Variants in NAF1 observed in about 807,000 individuals in gnomAD.
NAF1 encodes the protein nuclear assembly factor 1 ribonucleoprotein, also known as H/ACA ribonucleoprotein complex non-core subunit NAF1.
Under a neutral mutation model 40.6 loss-of-function variants are expected in NAF1, and 11 were observed. The ratio of observed to expected loss-of-function variants is 0.27; its 90% CI spans 0.17 to 0.45. NAF1 has a LOEUF of 0.45. NAF1 is among the 20% of genes least tolerant of loss of function. The pLI is 1.00. For synonymous variants in NAF1, 260 were observed against 228.5 expected (o/e 1.14, Z -1.24); for missense variants, 607 against 611.1 (o/e 0.99, Z 0.07).
chr4:163,160,389 C>A (rs1052855333), intron 2 of NAF1, among the ~76,000 whole-genome samples: 2 of 152,076 alleles, frequency 1.3e-5, no homozygotes, highest in Non-Finnish European at 2.9e-5. Context: ...TGGGTTATAA[C>A]CACATCTTGG....
chr4:163,131,634 T>A (rs1014243786), intron 7 of NAF1, among the ~76,000 whole-genome samples: 4 of 152,158 alleles, frequency 2.6e-5, no homozygotes, highest in African/African-American at 9.6e-5. Context: ...ACTACAAAAC[T>A]TTTAGGGAAA....
At chr4:163,138,137 T>G (rs1055285213) in intron 5 of NAF1, among the ~76,000 whole-genome samples, 9 of 152,118 alleles carry the variant, frequency 5.9e-5, no homozygotes, top group Non-Finnish European at 1.2e-4. Context: ...ATAAATGAGA[T>G]TCCCAGGAAT....
chr4:163,154,890 CAAAAAA>C (rs5863601), intron 2 of NAF1, among the ~76,000 whole-genome samples: 5 of 141,528 alleles, frequency 3.5e-5, no homozygotes, highest in African/African-American at 1.3e-4. Context: ...AAAACAAAAA[CAAAAAA>C]AAAAAAACAG....
At chr4:163,148,866 T>C (rs1392007730) in intron 2 of NAF1, among the ~76,000 whole-genome samples, 5 of 152,178 alleles carry the variant, frequency 3.3e-5, no homozygotes, top group African/African-American at 1.2e-4. Context: ...TTAGTTTGAC[T>C]GTGATTAAAC....
At chr4:163,143,303 G>A (rs1020873162) in intron 4 of NAF1, among the ~76,000 whole-genome samples, 1 of 152,082 alleles carries the variant, frequency 6.6e-6, no homozygotes, top group Non-Finnish European at 1.5e-5. Flanking sequence ...TAACAACAAC[G>A]TGGTACAGCT....
At chr4:163,154,240 C>T (rs575278990) in intron 2 of NAF1, among the ~76,000 whole-genome samples, 4 of 152,318 alleles carry the variant, frequency 2.6e-5, no homozygotes, top group African/African-American at 9.6e-5. Flanking sequence ...AATATAGGAA[C>T]GTACAGTTTC....
intron 2 of NAF1, among the ~76,000 whole-genome samples, chr4:163,154,544 C>G (rs1010345569): frequency 6.6e-6 from 1 of 152,048 alleles, no homozygotes; most frequent in Non-Finnish European, 1.5e-5. Context: ...TAAGGGAAAA[C>G]AGATCTATTT....
At chr4:163,139,889 G>A (rs1579155411) in intron 5 of NAF1, among the ~76,000 whole-genome samples, 1 of 151,848 alleles carries the variant, frequency 6.6e-6, no homozygotes, top group Admixed American at 6.6e-5. Context: ...TGAAAAAAAA[G>A]TTATTAAGAA....
intron 5 of NAF1, among the ~76,000 whole-genome samples, chr4:163,139,527 T>G (rs1225297052): frequency 1.3e-5 from 2 of 152,158 alleles, no homozygotes; most frequent in Non-Finnish European, 2.9e-5. Context: ...ATAACAAGTT[T>G]AGCTGATACA....
chr4:163,138,699 G>C (rs1731148436), intron 5 of NAF1, among the ~76,000 whole-genome samples: 1 of 152,066 alleles, frequency 6.6e-6, no homozygotes, highest in Admixed American at 6.6e-5. Flanking sequence ...CCAATTCACT[G>C]ATTTACTACT....
At chr4:163,161,720 T>G (rs1732231722) in intron 2 of NAF1, among the ~76,000 whole-genome samples, 1 of 152,144 alleles carries the variant, frequency 6.6e-6, no homozygotes, top group South Asian at 2.1e-4. Context: ...ATGATATCAC[T>G]TCCAAGTATT....
downstream of NAF1, among the ~76,000 whole-genome samples, chr4:163,125,423 G>T (rs180899767): frequency 2.0e-5 from 3 of 152,332 alleles, no homozygotes; most frequent in East Asian, 5.8e-4. Context: ...AAGCAAAACA[G>T]CTTTACAGCA....
intron 5 of NAF1, among the ~76,000 whole-genome samples, chr4:163,137,493 T>G (rs933913387): frequency 1.3e-5 from 2 of 152,144 alleles, no homozygotes; most frequent in African/African-American, 4.8e-5. Flanking sequence ...GGCTATGGTG[T>G]GCAGTGGAAA....
chr4:163,152,029 CCTT>C (rs1362644530), intron 2 of NAF1, among the ~76,000 whole-genome samples: 3 of 151,940 alleles, frequency 2.0e-5, no homozygotes, highest in African/African-American at 4.8e-5. Flanking sequence ...AGTAAGTTGT[CCTT>C]CTTTTCAATA....
downstream of NAF1, among the ~76,000 whole-genome samples, chr4:163,107,791 T>A (rs1176209555): frequency 1.3e-5 from 2 of 152,146 alleles, no homozygotes; most frequent in African/African-American, 4.8e-5. Context: ...TTTTTAGATA[T>A]TTTTTCCCTA....
intron 2 of NAF1, among the ~76,000 whole-genome samples, chr4:163,118,014 G>T (rs1730403054): frequency 6.6e-6 from 1 of 152,050 alleles, no homozygotes; most frequent in Non-Finnish European, 1.5e-5. Context: ...AAGAAAAAGA[G>T]AATTCATGTT....
chr4:163,164,499 T>A (rs1415174053), intron 1 of NAF1, 108 bp from the exon 2 acceptor site: 1 of 769,438 alleles, frequency 1.3e-6, no homozygotes. Flanking sequence ...TTACTATTGC[T>A]TATTCTAATA....
intron 1 of NAF1, among the ~76,000 whole-genome samples, chr4:163,165,335 G>GA (rs1485468980): frequency 1.3e-5 from 2 of 152,186 alleles, no homozygotes; most frequent in African/African-American, 4.8e-5. Context: ...CACAGAGTCA[G>GA]AAGTAGTATC....
chr4:163,129,140 T>C lies in NAF1; in HGVS notation c.1242A>G (p.Gln414=), dbSNP rs1473143647. The C allele has an allele frequency of 2.5e-6, 4 of 1,613,830 alleles. No homozygotes were observed. The African/African-American group carries it at 5.3e-5, about 22-fold the overall frequency. The change falls in exon 8 of 8, where the codon CAA becomes CAG. Residue 414 remains glutamine, a synonymous_variant. Transcript: ENST00000274054. ...GGTATTGTGGCATAATGGGATTATT[T>C]TGTCTCTGAGAAGGAAATCCTGAAG... is the stretch of plus-strand genomic sequence containing the variant. ...QETSGFPSQR[Q]NNPIMPQYPF...
Sources: allele counts gnomAD v4.1 joint callset (sites outside exome capture counted in the v4.1 genomes callset), GRCh38; gene constraint gnomAD v4.1.1; transcripts MANE v1.5; gene names NCBI Gene and HGNC (gene_info 2026-07-23, HGNC 2026-07-21).